LRRC40: variants seen among roughly 807,000 people sequenced by gnomAD.
LRRC40 encodes the protein leucine-rich repeat-containing protein 40.
A neutral mutation model predicts 72.8 loss-of-function variants in LRRC40; 76 were observed. The observed-to-expected ratio is 1.04, with a 90% CI of 0.87 to 1.26. The LOEUF is 1.26. LRRC40 is among the 50% of genes most tolerant of loss of function. LRRC40 has a pLI of 0.00. For missense variants in LRRC40, 684 were observed against 698.9 expected, an observed-to-expected ratio of 0.98 and a Z score of 0.24; for synonymous variants, 243 against 254.2, an observed-to-expected ratio of 0.96 and a Z score of 0.42.
chr1:70,198,322 G>A (rs1016901989), intron 1 of LRRC40, among the ~76,000 whole-genome samples: 5 of 152,136 alleles, frequency 3.3e-5, no homozygotes, highest in African/African-American at 1.2e-4. Context: ...TTGCCTTTCA[G>A]ATCAACAGTG....
chr1:70,189,286 G>A lies in LRRC40; in HGVS notation c.152-13C>T, dbSNP rs570598388. On this transcript the variant is annotated splice_polypyrimidine_tract_variant and intron_variant, in intron 1 of 14. Coordinates refer to ENST00000370952, the MANE Select transcript of LRRC40 (RefSeq NM_017768.5). ...ACACACTGCGGCACTAGTTCCATCA[G>A]CACCACACCAGGAAAAAAAAAAAAA... The A allele has an allele frequency of 1.2e-5, 14 of 1,136,592 alleles. No homozygotes were observed. The South Asian group carries it at 2.2e-4, about 18-fold the overall frequency. The allele number at this position is 1,136,592 out of a possible 1,614,324, so 70.4% of individuals were successfully genotyped here.
At chr1:70,174,350 C>T (rs1433153457) in intron 7 of LRRC40, among the ~76,000 whole-genome samples, 1 of 152,056 alleles carries the variant, frequency 6.6e-6, no homozygotes, top group Non-Finnish European at 1.5e-5. Context: ...TCTTACAATG[C>T]TGGTGGGAAT....
intron 9 of LRRC40, among the ~76,000 whole-genome samples, chr1:70,172,759 T>C (rs1289718340): frequency 6.6e-6 from 1 of 152,172 alleles, no homozygotes. Flanking sequence ...ATTTAATATA[T>C]GTTGACTGGC....
At chr1:70,158,894 G>A (rs1667697637) in intron 10 of LRRC40, among the ~76,000 whole-genome samples, 1 of 151,964 alleles carries the variant, frequency 6.6e-6, no homozygotes, top group South Asian at 2.1e-4. Flanking sequence ...ACAATAAAAT[G>A]TTCCCATTAT....
At chr1:70,202,798 A>G (rs1486153540) in intron 1 of LRRC40, among the ~76,000 whole-genome samples, 1 of 152,236 alleles carries the variant, frequency 6.6e-6, no homozygotes, top group Non-Finnish European at 1.5e-5. Flanking sequence ...GGTATATGAG[A>G]ATATAATGTA....
intron 1 of LRRC40, among the ~76,000 whole-genome samples, chr1:70,194,445 T>C (rs561579367): frequency 7.2e-5 from 11 of 152,188 alleles, no homozygotes; most frequent in Non-Finnish European, 1.5e-4. Context: ...GTCTAGATAA[T>C]AAAGAAATGT....
At chr1:70,186,870 TATTTC>T (rs1668371556) in intron 3 of LRRC40, among the ~76,000 whole-genome samples, 1 of 152,126 alleles carries the variant, frequency 6.6e-6, no homozygotes, top group African/African-American at 2.4e-5. Context: ...AACTATGAAG[TATTTC>T]ATTTATGAAA....
At chr1:70,151,438 A>G (rs894324491) in intron 12 of LRRC40, among the ~76,000 whole-genome samples, 1 of 152,152 alleles carries the variant, frequency 6.6e-6, no homozygotes, top group Non-Finnish European at 1.5e-5. Context: ...TAATGCAATG[A>G]ATTCTTTACA....
chr1:70,157,697 A>C (rs1362595746), intron 10 of LRRC40, among the ~76,000 whole-genome samples: 5 of 152,234 alleles, frequency 3.3e-5, no homozygotes, highest in African/African-American at 1.2e-4. Context: ...CTAAGGCAGG[A>C]ATGAAGTCTG....
At chr1:70,164,332 G>A (rs563484118) in intron 9 of LRRC40, among the ~76,000 whole-genome samples, 35 of 152,230 alleles carry the variant, frequency 2.3e-4, no homozygotes, top group Admixed American at 2.1e-3. Flanking sequence ...AAAGGTTGCA[G>A]TGAGCCGAGA....
At chr1:70,195,084 A>G (rs576470928) in intron 1 of LRRC40, among the ~76,000 whole-genome samples, 98 of 152,306 alleles carry the variant, frequency 6.4e-4, no homozygotes, top group Middle Eastern at 3.4e-3. Flanking sequence ...CCACGGACTT[A>G]TATGTAAATG....
At chr1:70,155,668 A>T (rs1024054182) in intron 11 of LRRC40, 21 bp downstream of exon 11, 24 of 1,150,300 alleles carry the variant, frequency 2.1e-5, no homozygotes, top group Non-Finnish European at 2.4e-5. Flanking sequence ...CAACCTATAG[A>T]CATGGCATCA....
chr1:70,163,574 T>A (rs981055468), intron 9 of LRRC40, among the ~76,000 whole-genome samples: 2 of 152,182 alleles, frequency 1.3e-5, no homozygotes, highest in Non-Finnish European at 2.9e-5. Context: ...TGTGATTATA[T>A]TGGGCCAACA....
intron 12 of LRRC40, chr1:70,151,920 A>G (rs1201522584): frequency 6.6e-6 from 1 of 152,280 alleles, no homozygotes; most frequent in Non-Finnish European, 1.5e-5. Context: ...ACTACCTATT[A>G]CAAATAAATA....
At chr1:70,170,449 T>A (rs1380931237) in intron 9 of LRRC40, among the ~76,000 whole-genome samples, 2 of 152,126 alleles carry the variant, frequency 1.3e-5, no homozygotes, top group East Asian at 3.8e-4. Context: ...TAAAACTATC[T>A]CTATTTGCAA....
chr1:70,164,162 G>A (rs1054928111), intron 9 of LRRC40, among the ~76,000 whole-genome samples: 4 of 152,028 alleles, frequency 2.6e-5, no homozygotes, highest in Non-Finnish European at 4.4e-5. Flanking sequence ...AGGCCGAGGC[G>A]GGCGGATCAC....
At chr1:70,193,394 C>A (rs1668543437) in intron 1 of LRRC40, among the ~76,000 whole-genome samples, 1 of 151,096 alleles carries the variant, frequency 6.6e-6, no homozygotes, top group Admixed American at 6.6e-5. Context: ...TGGATAAATC[C>A]CTAGAATAGA....
chr1:70,181,179 GA>G lies in LRRC40; in HGVS notation c.567del (p.Pro190LeufsTer20). 6.3e-7 allele frequency: 1 copy of G among 1,590,948 alleles called. No individual in the cohort carries two copies. Among genetic ancestry groups the G allele is most frequent in the Non-Finnish European group, 8.5e-7 (1 of 1,170,242 alleles). On this transcript the variant is annotated frameshift_variant, in exon 5 of 15. Transcript: ENST00000370952. LOFTEE classifies it high-confidence loss of function. ...CTGGACAGAGAAGAAAAACTAGCAG[GA>G]ACAGTTGTAAGATGATTGTTTGAAA... The part of the protein sequence containing the change: ...LDLSNNHLTT[V>X]PASFSSLSSL...
rs143251605 is a variant in LRRC40 at position 70,151,134 on chromosome 1, A to G, written c.1511T>C (p.Phe504Ser). The change falls in exon 13 of 15, where the codon TTT becomes TCT. Residue 504 changes from phenylalanine (F) to serine (S), a missense_variant. By Grantham distance (155) the Phe-to-Ser change is radical (BLOSUM62 -2). Coordinates refer to ENST00000370952, the MANE Select transcript of LRRC40 (RefSeq NM_017768.5). ...GAATTGTCTGTTCTCTTACCTATTA[A>G]AGGAAAGATTGATCGTTTGCAGTCT... The part of the protein sequence containing the change: ...LVRLQTINLS[F>S]NRFKMLPEVL... The G allele has an allele frequency of 1.5e-4, 228 of 1,521,428 alleles. 2 individuals carry two copies. Among genetic ancestry groups the G allele is most frequent in the Non-Finnish European group, 1.2e-4 (137 of 1,098,340 alleles). 94.2% of individuals were successfully genotyped at this position (1,521,428 alleles called of 1,614,324 possible). A position where few individuals can be genotyped will look rare whatever the true frequency, so the allele number is the denominator to read the frequency against.
Sources: allele counts gnomAD v4.1 joint callset (sites outside exome capture counted in the v4.1 genomes callset), GRCh38; gene constraint gnomAD v4.1.1; transcripts MANE v1.5; gene names NCBI Gene and HGNC (gene_info 2026-07-23, HGNC 2026-07-21).